The following PRKCH variants were observed in gnomAD, a reference collection of about 807,000 sequenced individuals.
The protein encoded by PRKCH is protein kinase C eta type.
In PRKCH, 28 loss-of-function variants were observed where a neutral mutation model predicts 82.5. The observed-to-expected ratio is 0.34, with a 90% CI of 0.25 to 0.47. The LOEUF (loss-of-function observed/expected upper bound fraction) is 0.47, where lower values mean the gene tolerates loss of function less well. Ranked by LOEUF, PRKCH falls within the 20% of genes least tolerant of loss-of-function variation. The pLI is 1.00. For missense variants in PRKCH, 705 were observed against 881.8 expected (o/e 0.80, Z 2.54); for synonymous variants, 322 against 327.4 (o/e 0.98, Z 0.18).
At chr14:61,432,068 T>TC (rs1491147187) in intron 2 of PRKCH, among the ~76,000 whole-genome samples, 1 of 12,624 alleles carries the variant, frequency 7.9e-5, no homozygotes, top group Non-Finnish European at 2.0e-4. Context: ...TCTCTCTCTC[T>TC]TTTTTTTTTT....
intron 2 of PRKCH, among the ~76,000 whole-genome samples, chr14:61,438,142 C>G (rs1470265297): frequency 1.3e-5 from 2 of 151,978 alleles, no homozygotes. Context: ...AACAACTTGC[C>G]CAGGGCCACC....
At chr14:61,328,959 T>G (rs1244666135) in intron 1 of PRKCH, among the ~76,000 whole-genome samples, 3 of 150,978 alleles carry the variant, frequency 2.0e-5, no homozygotes, top group African/African-American at 7.3e-5. Flanking sequence ...GTACTCTAGC[T>G]TAAATGACAG....
At chr14:61,527,656 A>G (rs2042984295) in intron 10 of PRKCH, among the ~76,000 whole-genome samples, 1 of 152,174 alleles carries the variant, frequency 6.6e-6, no homozygotes, top group South Asian at 2.1e-4. Context: ...CCTAATATGT[A>G]AAAATCAAAA....
intron 1 of PRKCH, chr14:61,298,825 A>G (rs1443630202): frequency 6.6e-6 from 1 of 152,154 alleles, no homozygotes; most frequent in African/African-American, 2.4e-5. Context: ...CCTCAGAAGA[A>G]AGAATTTGAC....
intron 12 of PRKCH, among the ~76,000 whole-genome samples, chr14:61,533,611 A>T (rs1018478373): frequency 6.6e-6 from 1 of 152,182 alleles, no homozygotes; most frequent in African/African-American, 2.4e-5. Flanking sequence ...CCTTGGGCAA[A>T]TGGCATAATT....
chr14:61,460,169 T>G (rs1884964596), intron 9 of PRKCH, among the ~76,000 whole-genome samples: 1 of 152,178 alleles, frequency 6.6e-6, no homozygotes, highest in African/African-American at 2.4e-5. Flanking sequence ...TAAGACATAA[T>G]ATTAATAGTA....
Position 61,391,281 on chromosome 14 carries a change from C to G in PRKCH, c.420C>G (p.Phe140Leu), listed in dbSNP as rs1671628585. 6.2e-7 allele frequency: 1 copy of G among 1,608,868 alleles called. No homozygotes were observed. The highest frequency in any genetic ancestry group is 8.5e-7 in the Non-Finnish European group (1 of 1,177,682). The change falls in exon 2 of 14, where the codon TTC (phenylalanine) becomes TTG (leucine). Residue 140 changes from phenylalanine (F) to leucine (L), a missense_variant. By Grantham distance (22) the Phe-to-Leu change is conservative. Transcript: ENST00000332981. ...TGGTAATAACCCTTACCGGGAGTTT[C>G]ACTGAAGGTAAGAATGAGTTTTGGG... ...VFVVITLTGS[F>L]TEATLQRDRI...
Position 61,417,566 on chromosome 14 carries a change from T to C in PRKCH, c.428-25545T>C, listed in dbSNP as rs2352086. Among the ~76,000 whole-genome samples the C allele has an allele frequency of 3.3e-3, 499 of 152,350 alleles. 2 individuals carry two copies. Among genetic ancestry groups the C allele is most frequent in the African/African-American group, 0.012 (487 of 41,578 alleles). On this transcript the variant is annotated intron_variant, in intron 2 of 13. Coordinates refer to ENST00000332981, the MANE Select transcript of PRKCH (RefSeq NM_006255.5). ...AAATTTGGTAAATTAGTGAAGCCTT[T>C]AATTGGGCATATTTTTAATTTATGA...
chr14:61,419,856 A>G (rs1025187916), intron 2 of PRKCH, among the ~76,000 whole-genome samples: 2 of 152,242 alleles, frequency 1.3e-5, no homozygotes, highest in Admixed American at 1.3e-4. Context: ...GATGTGTAGC[A>G]TAAGGGAAGA....
intron 2 of PRKCH, among the ~76,000 whole-genome samples, chr14:61,420,544 A>T (rs1404299403): frequency 1.3e-5 from 2 of 152,196 alleles, no homozygotes; most frequent in Non-Finnish European, 2.9e-5. Flanking sequence ...TTCATTCCAC[A>T]GCTCAAGTGC....
In PRKCH at chr14:61,488,413, T is replaced by C. The variant is rs964888668; in HGVS notation, c.1433+2757T>C. ...CTATTGATTCTTCTAACAATATTAT[T>C]GTATAACAATAATAGTGTCCACACT... On this transcript the variant is annotated intron_variant, in intron 10 of 13. Transcript: ENST00000332981. Among the ~76,000 whole-genome samples, 5 of 152,218 alleles carry C rather than the reference T, an allele frequency of 3.3e-5. No homozygotes were observed. The East Asian group carries it at 9.6e-4, about 29-fold the overall frequency.
intron 10 of PRKCH, among the ~76,000 whole-genome samples, chr14:61,492,012 C>G (rs1886468192): frequency 6.6e-6 from 1 of 152,264 alleles, no homozygotes; most frequent in Non-Finnish European, 1.5e-5. Flanking sequence ...AAGGAAGTGA[C>G]TCTTGGGCTG....
chr14:61,473,115 C>T (rs1435645106), intron 9 of PRKCH, among the ~76,000 whole-genome samples: 4 of 152,068 alleles, frequency 2.6e-5, no homozygotes, highest in African/African-American at 9.7e-5. Context: ...GACTCCCAGA[C>T]AGAGGTAACA....
At chr14:61,341,914 C>T (rs1014527207) in intron 1 of PRKCH, among the ~76,000 whole-genome samples, 1 of 152,004 alleles carries the variant, frequency 6.6e-6, no homozygotes, top group African/African-American at 2.4e-5. Flanking sequence ...GTCTTGGTTC[C>T]CGTTGTATTG....
rs140530091 is a variant in PRKCH at position 61,380,522 on chromosome 14, G to A, written c.364-10703G>A. 2.6e-5 allele frequency among the ~76,000 whole-genome samples: 4 copies of A among 152,298 alleles called. No individual in the cohort carries two copies. The East Asian group carries it at 5.8e-4, about 22-fold the overall frequency. On this transcript the variant is annotated intron_variant, in intron 1 of 13. Transcript: ENST00000332981. ...CCCCACTCCTTTTGGTCCATTAGGA[G>A]CACCAGAAGCTTTGGACCTGATGGG... is the stretch of plus-strand genomic sequence containing the variant.
intron 1 of PRKCH, among the ~76,000 whole-genome samples, chr14:61,221,629 C>T (rs532430318): frequency 2.0e-5 from 3 of 152,238 alleles, no homozygotes; most frequent in South Asian, 2.1e-4. Context: ...GCACTCTGTT[C>T]CCCGGGGATA....
chr14:61,484,963 A>G (rs1003051547), intron 9 of PRKCH, among the ~76,000 whole-genome samples: 9 of 151,562 alleles, frequency 5.9e-5, no homozygotes, highest in African/African-American at 2.2e-4. Context: ...GGCTCAAGGG[A>G]TCCACCCACA....
chr14:61,378,370 A>C (rs1432428213), intron 1 of PRKCH, among the ~76,000 whole-genome samples: 1 of 151,822 alleles, frequency 6.6e-6, no homozygotes, highest in Non-Finnish European at 1.5e-5. Context: ...GTACCACCAC[A>C]TCTGGCTAAT....
chr14:61,454,345 T>C (rs1459640741), intron 7 of PRKCH, among the ~76,000 whole-genome samples: 1 of 152,178 alleles, frequency 6.6e-6, no homozygotes, highest in Non-Finnish European at 1.5e-5. Context: ...TCAAGTGATC[T>C]GCCCACCTTG....
Sources: gnomAD v4.1 joint callset for allele counts (sites outside exome capture counted in the v4.1 genomes callset) on GRCh38, gnomAD v4.1.1 for gene constraint, MANE v1.5 for transcripts, NCBI Gene and HGNC (gene_info 2026-07-23, HGNC 2026-07-21) for gene names.